ULK4: variants seen among roughly 807,000 people sequenced by gnomAD.
ULK4 encodes the protein unc-51 like kinase 4.
In ULK4, 133 loss-of-function variants were observed where a neutral mutation model predicts 160.6. The ratio of observed to expected loss-of-function variants is 0.83; its 90% confidence interval spans 0.72 to 0.96. ULK4 has a LOEUF of 0.96. Ranked by LOEUF, ULK4 falls within the 40% of genes least tolerant of loss-of-function variation. The pLI is 0.00. For missense variants in ULK4, 1,580 were observed against 1,499.5 expected (o/e 1.05, Z -0.89); for synonymous variants, 534 against 539.8 (o/e 0.99, Z 0.15).
chr3:41,361,351 A>G (rs1009194799), intron 35 of ULK4, among the ~76,000 whole-genome samples: 1 of 152,216 alleles, frequency 6.6e-6, no homozygotes, highest in Non-Finnish European at 1.5e-5. Context: ...CTCCAATTTG[A>G]TAAGATAAAA....
chr3:41,833,255 T>C (rs956909146), intron 18 of ULK4, among the ~76,000 whole-genome samples: 11 of 152,038 alleles, frequency 7.2e-5, no homozygotes, highest in Middle Eastern at 3.4e-3. Flanking sequence ...CTGTCCCTTG[T>C]TAGCTGTATT....
At chr3:41,691,165 G>A (rs530655658) in intron 27 of ULK4, among the ~76,000 whole-genome samples, 1 of 151,996 alleles carries the variant, frequency 6.6e-6, no homozygotes, top group South Asian at 2.1e-4. Context: ...CATTCTAGTG[G>A]TAAAGGAAGA....
intron 35 of ULK4, among the ~76,000 whole-genome samples, chr3:41,315,338 C>T (rs535548736): frequency 6.6e-6 from 1 of 152,254 alleles, no homozygotes; most frequent in South Asian, 2.1e-4. Flanking sequence ...GAGAAAATGC[C>T]TGCCAGATAC....
intron 21 of ULK4, among the ~76,000 whole-genome samples, chr3:41,782,626 G>C (rs1451385253): frequency 1.3e-5 from 2 of 152,154 alleles, no homozygotes; most frequent in Admixed American, 1.3e-4. Flanking sequence ...ATATGTGAAA[G>C]AGTTTAATTT....
intron 35 of ULK4, among the ~76,000 whole-genome samples, chr3:41,264,194 G>T (rs1439505223): frequency 6.6e-6 from 1 of 152,226 alleles, no homozygotes; most frequent in Non-Finnish European, 1.5e-5. Context: ...GTGAGGCAGA[G>T]ATTTTTTAAA....
chr3:41,748,379 C>A (rs192223117), intron 22 of ULK4, among the ~76,000 whole-genome samples: 3 of 151,688 alleles, frequency 2.0e-5, no homozygotes, highest in Admixed American at 6.6e-5. Context: ...AAGAAGAACA[C>A]CAAATGCAGT....
intron 3 of ULK4, chr3:41,937,773 T>C (rs987250543): frequency 4.9e-6 from 1 of 203,156 alleles, no homozygotes; most frequent in South Asian, 1.7e-4. Flanking sequence ...CTTTATAAAT[T>C]TATTAGCTAA....
intron 32 of ULK4, among the ~76,000 whole-genome samples, chr3:41,514,625 C>A (rs1559665129): frequency 6.6e-6 from 1 of 152,154 alleles, no homozygotes; most frequent in Admixed American, 6.5e-5. Flanking sequence ...ATGTCTTTTG[C>A]AGCAACATGA....
chr3:41,817,698 C>T (rs1345127540), intron 19 of ULK4, among the ~76,000 whole-genome samples: 1 of 152,086 alleles, frequency 6.6e-6, no homozygotes, highest in Non-Finnish European at 1.5e-5. Context: ...GTGACAGGAT[C>T]AGTCATAACC....
intron 31 of ULK4, among the ~76,000 whole-genome samples, chr3:41,573,825 CACAA>C (rs564646703): frequency 2.8e-3 from 424 of 152,338 alleles, no homozygotes; most frequent in African/African-American, 9.7e-3. Context: ...CACTTTCTGT[CACAA>C]ACATTCTCCT....
intron 30 of ULK4, among the ~76,000 whole-genome samples, chr3:41,663,092 G>T (rs2035236335): frequency 6.6e-6 from 1 of 151,766 alleles, no homozygotes; most frequent in East Asian, 1.9e-4. Flanking sequence ...ATGGCGGCGG[G>T]CACCTGTAAT....
At chr3:41,811,828 T>A (rs1375702718) in intron 19 of ULK4, among the ~76,000 whole-genome samples, 3 of 152,198 alleles carry the variant, frequency 2.0e-5, no homozygotes, top group African/African-American at 4.8e-5. Flanking sequence ...CGTCATGTTG[T>A]GGTTACGCTT....
At chr3:41,822,722 ATTTTTTT>A (rs1199516780) in intron 18 of ULK4, among the ~76,000 whole-genome samples, 1 of 109,482 alleles carries the variant, frequency 9.1e-6, no homozygotes, top group Non-Finnish European at 1.8e-5. Flanking sequence ...CCGGGCTGAG[ATTTTTTT>A]TTTTTTTTTT....
intron 35 of ULK4, among the ~76,000 whole-genome samples, chr3:41,298,185 T>C (rs2079710092): frequency 6.6e-6 from 1 of 152,246 alleles, no homozygotes; most frequent in African/African-American, 2.4e-5. Context: ...AAGTCTAACA[T>C]ATAAACTCAA....
chr3:41,931,297 C>T (rs1375375661), intron 5 of ULK4, among the ~76,000 whole-genome samples: 1 of 151,862 alleles, frequency 6.6e-6, no homozygotes, highest in Non-Finnish European at 1.5e-5. Flanking sequence ...CACATGGACA[C>T]AGGGAGGGGA....
chr3:41,254,535 G>C (rs1475912853), intron 35 of ULK4, among the ~76,000 whole-genome samples: 1 of 152,166 alleles, frequency 6.6e-6, no homozygotes, highest in Non-Finnish European at 1.5e-5. Context: ...CTTATTTTAG[G>C]AAAGAAGAAA....
chr3:41,346,360 G>A (rs2080800227), intron 35 of ULK4, among the ~76,000 whole-genome samples: 1 of 152,150 alleles, frequency 6.6e-6, no homozygotes, highest in Non-Finnish European at 1.5e-5. Flanking sequence ...AGTTCCTATT[G>A]TCTCCTCATA....
At chr3:41,587,059 C>A (rs2030874167) in intron 31 of ULK4, among the ~76,000 whole-genome samples, 1 of 152,116 alleles carries the variant, frequency 6.6e-6, no homozygotes. Flanking sequence ...AGGCAGCACT[C>A]TTATTTAGAG....
chr3:41,643,347 C>T (rs982759457), intron 30 of ULK4, among the ~76,000 whole-genome samples: 4 of 152,098 alleles, frequency 2.6e-5, no homozygotes, highest in African/African-American at 9.7e-5. Context: ...AGTCTTTAAT[C>T]CATCTTGAAT....
Sources: gnomAD v4.1 joint callset for allele counts (sites outside exome capture counted in the v4.1 genomes callset) on GRCh38, gnomAD v4.1.1 for gene constraint, MANE v1.5 for transcripts, NCBI Gene and HGNC (gene_info 2026-07-23, HGNC 2026-07-21) for gene names.